Variants in AGO1 observed in about 807,000 individuals in gnomAD.
AGO1 encodes the protein argonaute RISC component 1, also known as protein argonaute-1.
A neutral mutation model predicts 109.2 loss-of-function variants in AGO1; 11 were observed. The observed-to-expected ratio is 0.10, with a 90% CI of 0.06 to 0.17. The LOEUF (loss-of-function observed/expected upper bound fraction) is 0.17. Among genes scored for constraint, AGO1 ranks in the 10% least tolerant of loss-of-function variants. The pLI is 1.00. For missense variants in AGO1, 574 were observed against 1,140.3 expected (o/e 0.50, Z 7.15); for synonymous variants, 422 against 418.6 (o/e 1.01, Z -0.10).
chr1:35,894,388 T>A lies in AGO1; in HGVS notation c.858T>A (p.Pro286=), dbSNP rs1364584684. 3 of 1,614,004 alleles carry A rather than the reference T, an allele frequency of 1.9e-6. No homozygotes were observed. Among genetic ancestry groups the A allele is most frequent in the Non-Finnish European group, 2.5e-6 (3 of 1,179,990 alleles). ...KYRVCNVTRR[P]ASHQTFPLQL... ...GCGTGTGTAATGTTACCCGTCGCCC[T>A]GCTAGCCATCAGACGTAAGTTGGCA... Residue 286 remains proline (P), a synonymous_variant, in exon 7 of 19, where the codon CCT becomes CCA. Coordinates refer to ENST00000373204, the MANE Select transcript of AGO1 (RefSeq NM_012199.5).
rs1350357017 is a variant in AGO1, at chr1:35,920,278, T to G, written c.*671T>G. The G allele has an allele frequency of 6.6e-6, 1 of 152,586 alleles. No individual in the cohort carries two copies. Among genetic ancestry groups the G allele is most frequent in the African/African-American group, 2.4e-5 (1 of 41,388 alleles). 9.5% of individuals were successfully genotyped at this position (152,586 alleles called of 1,614,324 possible). On this transcript the variant is annotated 3_prime_UTR_variant, in exon 19 of 19. Coordinates refer to ENST00000373204, the MANE Select transcript of AGO1 (RefSeq NM_012199.5). Reference sequence around the variant, plus strand: ...ATTTTCTGCCCCACCTTACTTCTCCTCCCTGACAGACATCCAGCCCCTAGT... The same window carrying G: ...ATTTTCTGCCCCACCTTACTTCTCCGCCCTGACAGACATCCAGCCCCTAGT...
chr1:35,915,067 A>T (rs1280357329), intron 14 of AGO1, among the ~76,000 whole-genome samples: 3 of 152,180 alleles, frequency 2.0e-5, no homozygotes, highest in African/African-American at 7.2e-5. Flanking sequence ...CAGTTTATCA[A>T]GTACCTACTG....
At position 35,883,602 on chromosome 1, in the gene AGO1, G is replaced by T. The variant is rs1211832658; in HGVS notation, c.25+156G>T. Among the ~76,000 whole-genome samples the T allele has an allele frequency of 6.6e-6, 1 of 152,212 alleles. No individual in the cohort carries two copies. The highest frequency in any genetic ancestry group is 1.5e-5 in the Non-Finnish European group (1 of 68,016). ...TTGAAGGAGGCTGTGTGCAGTTCCGGGGGAGAACCATGTGAAGAGAGCCCT... is the reference window on the plus strand; with the variant it reads ...TTGAAGGAGGCTGTGTGCAGTTCCGTGGGAGAACCATGTGAAGAGAGCCCT... On this transcript the variant is annotated intron_variant, in intron 1 of 18. Transcript: ENST00000373204. This position sits in a 1 kb window ranked among gnomAD's most constrained non-coding sequence, Gnocchi z 5.4.
chr1:35,883,176 T>TCCGCC (rs1177444965), upstream of AGO1: 4 of 1,153,646 alleles, frequency 3.5e-6, no homozygotes, highest in Admixed American at 4.8e-5. The surrounding 1 kb of genome is among the most constrained non-coding windows in gnomAD (Gnocchi z 5.4). Flanking sequence ...CTCGTTCCGG[T>TCCGCC]CCGCCCCCTG....
chr1:35,886,705 A>C (rs907972572), intron 1 of AGO1, among the ~76,000 whole-genome samples: 2 of 152,120 alleles, frequency 1.3e-5, no homozygotes, highest in African/African-American at 4.8e-5. Flanking sequence ...TGTAGTGTTT[A>C]TAATTGTTTC....
In AGO1 at chr1:35,928,073, A is replaced by T. The variant is rs1368577431; in HGVS notation, c.*8466A>T. 1 of 152,224 alleles carries T rather than the reference A, an allele frequency of 6.6e-6. No individual in the cohort carries two copies. Among genetic ancestry groups the T allele is most frequent in the Non-Finnish European group, 1.5e-5 (1 of 68,048 alleles). 9.4% of individuals were successfully genotyped at this position (152,224 alleles called of 1,614,324 possible). ...AGAAAGTCCTAAGCAGAGTAGAATAATAGCGGCAGCAGGGAGGGAAGTGTG... is the reference window on the plus strand; with the variant it reads ...AGAAAGTCCTAAGCAGAGTAGAATATTAGCGGCAGCAGGGAGGGAAGTGTG... On this transcript the variant is annotated 3_prime_UTR_variant, in exon 19 of 19. Transcript: ENST00000373204.
chr1:35,894,184 C>A lies in AGO1; in HGVS notation c.784+13C>A. On this transcript the variant is annotated intron_variant, in intron 6 of 18. Transcript: ENST00000373204. ...AAGGAGATCAAGGGTGAGGACCCAA[C>A]AGGAGGGGAAGGGAAACAGCGCCAC... 6.4e-7 allele frequency: 1 copy of A among 1,569,050 alleles called. No individual in the cohort carries two copies. Among genetic ancestry groups the A allele is most frequent in the Non-Finnish European group, 8.7e-7 (1 of 1,155,872 alleles).
In AGO1 at chr1:35,901,995, G is replaced by C. The variant is rs754573452; in HGVS notation, c.1188G>C (p.Gly396=). Residue 396 remains glycine (G), a synonymous_variant, in exon 10 of 19, where the codon GGG becomes GGC. Transcript: ENST00000373204. This position sits in a 1 kb window ranked among gnomAD's most constrained non-coding sequence, Gnocchi z 4.8. ...TAGATCCCTACATCCAGGAATTTGG[G>C]ATCAAAGTGAAGGATGACATGACGG... The part of the protein sequence containing the change: ...YNLDPYIQEF[G]IKVKDDMTEV... 6.2e-7 allele frequency: 1 copy of C among 1,611,260 alleles called. No individual in the cohort carries two copies. Among genetic ancestry groups the C allele is most frequent in the Admixed American group, 1.7e-5 (1 of 59,302 alleles).
Position 35,895,132 on chromosome 1 carries a change from C to G in AGO1, c.883C>G (p.Gln295Glu). The change falls in exon 8 of 19, where the codon CAG (glutamine) becomes GAG (glutamate). Residue 295 changes from glutamine (Q) to glutamate (E), a missense_variant. Physicochemically the swap from Gln to Glu is conservative, Grantham distance 29. This residue lies in a region of AGO1 where 42 missense variants were observed against 142.4 expected (regional missense o/e 0.29). Coordinates refer to ENST00000373204, the MANE Select transcript of AGO1 (RefSeq NM_012199.5). ...CCTTCTTCTGAACAGATTCCCCTTACAGCTGGAGAGTGGACAGACTGTGGA... is the reference window on the plus strand; with the variant it reads ...CCTTCTTCTGAACAGATTCCCCTTAGAGCTGGAGAGTGGACAGACTGTGGA... ...RPASHQTFPL[Q>E]LESGQTVECT... 2 of 1,610,720 alleles carry G rather than the reference C, an allele frequency of 1.2e-6. No individual in the cohort carries two copies. The highest frequency in any genetic ancestry group is 1.7e-6 in the Non-Finnish European group (2 of 1,178,540).
chr1:35,903,866 G>A (rs1355249680), intron 11 of AGO1, among the ~76,000 whole-genome samples: 1 of 151,882 alleles, frequency 6.6e-6, no homozygotes, highest in African/African-American at 2.4e-5. Context: ...AGGAGGCTAA[G>A]GCAGGAGAAT....
At chr1:35,905,398 A>G (rs996774197) in intron 11 of AGO1, among the ~76,000 whole-genome samples, 4 of 152,096 alleles carry the variant, frequency 2.6e-5, no homozygotes, top group Non-Finnish European at 5.9e-5. Flanking sequence ...TTTTTGTCAT[A>G]TTTACTTTAT....
chr1:35,875,928 A>G (rs1644989072), intron 1 of AGO1, among the ~76,000 whole-genome samples: 1 of 152,236 alleles, frequency 6.6e-6, no homozygotes, highest in Non-Finnish European at 1.5e-5. Context: ...TCATTATTTA[A>G]GAAATACATT....
chr1:35,926,829 C>G lies in AGO1; in HGVS notation c.*7222C>G, dbSNP rs1273415719. The G allele has an allele frequency of 6.6e-6, 1 of 152,066 alleles. No homozygotes were observed. Among genetic ancestry groups the G allele is most frequent in the African/African-American group, 2.4e-5 (1 of 41,400 alleles). 9.4% of individuals were successfully genotyped at this position (152,066 alleles called of 1,614,324 possible). On this transcript the variant is annotated 3_prime_UTR_variant, in exon 19 of 19. Transcript: ENST00000373204. ...CGCACAACTGCCTTCTCCAGTATAT[C>G]ATACCAAGGTTTTTTAGGCCTTTGT...
intron 12 of AGO1, among the ~76,000 whole-genome samples, chr1:35,910,927 G>A (rs1272177192): frequency 6.6e-6 from 1 of 152,176 alleles, no homozygotes; most frequent in Non-Finnish European, 1.5e-5. Flanking sequence ...TTAGCCAGGT[G>A]TGGTGGCGGG....
chr1:35,921,549 C>G lies in AGO1; in HGVS notation c.*1942C>G, dbSNP rs11263837. ...ATGATTACTTTAGACCTAGCCCAGG[C>G]TTGGAGGCCAGCTGGAGGAAGAAGG... is the stretch of plus-strand genomic sequence containing the variant. On this transcript the variant is annotated 3_prime_UTR_variant, in exon 19 of 19. Transcript: ENST00000373204. 2.7e-4 allele frequency: 41 copies of G among 152,762 alleles called. No individual in the cohort carries two copies. The highest frequency in any genetic ancestry group is 9.6e-4 in the African/African-American group (40 of 41,568). The allele number at this position is 152,762 out of a possible 1,614,324, so 9.5% of individuals were successfully genotyped here.
In AGO1 at chr1:35,919,738, C is replaced by T. The variant is rs1314872898; in HGVS notation, c.*131C>T. 15 of 777,426 alleles carry T rather than the reference C, an allele frequency of 1.9e-5. No homozygotes were observed. In the East Asian group the frequency reaches 4.1e-4, roughly 21 times the overall value. The allele number at this position is 777,426 out of a possible 1,614,324, so 48.2% of individuals were successfully genotyped here. On this transcript the variant is annotated 3_prime_UTR_variant, in exon 19 of 19. Coordinates refer to ENST00000373204, the MANE Select transcript of AGO1 (RefSeq NM_012199.5). This position sits in a 1 kb window ranked among gnomAD's most constrained non-coding sequence, Gnocchi z 6.6. ...GGAGTGTAGGATGCCTTGTTTCCTTCTATAGAGGTGGTGTAAGAGTGGGGA... is the reference window on the plus strand; with the variant it reads ...GGAGTGTAGGATGCCTTGTTTCCTTTTATAGAGGTGGTGTAAGAGTGGGGA...
At position 35,893,749 on chromosome 1, in the gene AGO1, C is replaced by A; in HGVS notation, c.588C>A (p.Val196=). 6.2e-7 allele frequency: 1 copy of A among 1,613,992 alleles called. No homozygotes were observed. The highest frequency in any genetic ancestry group is 1.1e-5 in the South Asian group (1 of 91,082). Residue 196 remains valine (V), a synonymous_variant, in exon 5 of 19, where the codon GTC becomes GTA. Coordinates refer to ENST00000373204, the MANE Select transcript of AGO1 (RefSeq NM_012199.5). The surrounding 1 kb of genome is among the most constrained non-coding windows in gnomAD (Gnocchi z 5.6). The part of the protein sequence containing the change: ...YYHPLGGGRE[V]WFGFHQSVRP... ...ACCCGCTGGGGGGTGGGCGCGAGGT[C>A]TGGTTCGGCTTTCACCAGTCTGTGC...
Position 35,894,493 on chromosome 1 carries a change from C to G in AGO1, c.872+91C>G, listed in dbSNP as rs1247283484. The G allele has an allele frequency of 5.4e-6, 7 of 1,307,332 alleles. No individual in the cohort carries two copies. In the East Asian group the frequency reaches 1.7e-4, roughly 33 times the overall value. 81.0% of individuals were successfully genotyped at this position (1,307,332 alleles called of 1,614,324 possible). On this transcript the variant is annotated intron_variant, in intron 7 of 18. Transcript: ENST00000373204. Reference sequence around the variant, plus strand: ...TTCCCTCCCTCCCTCCCCCACTGGCCTTGAGAATGAGCCTTGGGGACTGGC... The same window carrying G: ...TTCCCTCCCTCCCTCCCCCACTGGCGTTGAGAATGAGCCTTGGGGACTGGC...
chr1:35,895,404 T>C, intron 8 of AGO1, 135 bp downstream of exon 8: 5 of 978,376 alleles, frequency 5.1e-6, no homozygotes, highest in Non-Finnish European at 7.2e-6. Context: ...TCCTGTGAAA[T>C]AGAGGCCTCA....
Sources: gnomAD v4.1 joint callset for allele counts (sites outside exome capture counted in the v4.1 genomes callset) on GRCh38, gnomAD v4.1.1 for gene constraint, gnomAD v4.1.1 regional missense constraint, Gnocchi (gnomAD v3.1) non-coding constraint, MANE v1.5 for transcripts, NCBI Gene and HGNC (gene_info 2026-07-23, HGNC 2026-07-21) for gene names.